PDE3A: variants seen among roughly 807,000 people sequenced by gnomAD.
PDE3A encodes cGMP-inhibited 3',5'-cyclic phosphodiesterase 3A.
PDE3A carries 43 observed loss-of-function variants against 98.3 expected under a neutral mutation model. That is an observed-to-expected ratio of 0.44 (90% CI 0.34 to 0.56). The LOEUF (loss-of-function observed/expected upper bound fraction) is 0.56. Ranked by LOEUF, PDE3A falls within the 20% of genes least tolerant of loss-of-function variation. The probability of loss-of-function intolerance (pLI) is 0.01; values close to 1 mark genes in which losing one functional copy is unlikely to be tolerated. For missense variants in PDE3A, 1,427 were observed against 1,440.7 expected, an observed-to-expected ratio of 0.99 and a Z score of 0.15; for synonymous variants, 663 against 567.9, an observed-to-expected ratio of 1.17 and a Z score of -2.38.
Position 20,369,547 on chromosome 12 carries a change from A to T in PDE3A, c.263A>T (p.Asp88Val). The T allele has an allele frequency of 1.3e-6, 2 of 1,559,058 alleles. No homozygotes were observed. Among genetic ancestry groups the T allele is most frequent in the Non-Finnish European group, 1.7e-6 (2 of 1,152,082 alleles). The change falls in exon 1 of 16, where the codon GAC (aspartate) becomes GTC (valine). Residue 88 changes from aspartate to valine, a missense_variant. Around this residue, in one of 3 missense-constraint regions of PDE3A, gnomAD observed 1,012 missense variants for 886.5 expected, o/e 1.14. Transcript: ENST00000359062. The stretch of plus-strand genomic sequence containing the variant: ...CTGGTCCGCGGGGAGGTCGGCTGTG[A>T]CCTGGAGCAGTGTAAGGAGGCGGCG... ...VRLVRGEVGCDLEQCKEAAAA... is the reference protein window; with the variant it reads ...VRLVRGEVGCVLEQCKEAAAA...
intron 1 of PDE3A, among the ~76,000 whole-genome samples, chr12:20,433,663 A>T (rs1243290076): frequency 6.6e-6 from 1 of 152,164 alleles, no homozygotes; most frequent in Non-Finnish European, 1.5e-5. Flanking sequence ...AGAACAGCAT[A>T]CGTTTTTTAA....
chr12:20,548,624 T>C (rs1942120094), intron 1 of PDE3A, among the ~76,000 whole-genome samples: 1 of 152,174 alleles, frequency 6.6e-6, no homozygotes. Flanking sequence ...CATATCATCT[T>C]AATAAAGTTT....
chr12:20,575,675 T>C (rs1427574439), intron 2 of PDE3A, among the ~76,000 whole-genome samples: 1 of 152,056 alleles, frequency 6.6e-6, no homozygotes, highest in East Asian at 1.9e-4. Flanking sequence ...GAAAAAGAGT[T>C]CTACTTCATT....
chr12:20,563,667 TC>T (rs1277930207), intron 2 of PDE3A, among the ~76,000 whole-genome samples: 1 of 152,184 alleles, frequency 6.6e-6, no homozygotes, highest in Non-Finnish European at 1.5e-5. Flanking sequence ...TTGGGGTTTT[TC>T]GTTTGCTTGT....
At chr12:20,377,628 A>T (rs1314441098) in intron 1 of PDE3A, among the ~76,000 whole-genome samples, 1 of 151,882 alleles carries the variant, frequency 6.6e-6, no homozygotes, top group Non-Finnish European at 1.5e-5. Flanking sequence ...TACAGTCTTT[A>T]AAATTATATG....
rs753128357 is a variant in PDE3A at position 20,369,793 on chromosome 12, G to C, written c.509G>C (p.Gly170Ala). Residue 170 changes from glycine to alanine, a missense_variant, in exon 1 of 16, where the codon GGG becomes GCG. By Grantham distance (60) the Gly-to-Ala change is moderately conservative (BLOSUM62 0). Around this residue, in one of 3 missense-constraint regions of PDE3A, gnomAD observed 1,012 missense variants for 886.5 expected, o/e 1.14. Transcript: ENST00000359062. The stretch of plus-strand genomic sequence containing the variant: ...GCGCTGCTGGCCGCCTGCTGCGGGG[G>C]GGAAGCGCTCGTCCAGATTGGGCTG... ...AVALLAACCG[G>A]EALVQIGLGV... 1 of 1,612,526 alleles carries C rather than the reference G, an allele frequency of 6.2e-7. No homozygotes were observed.
chr12:20,616,226 C>T lies in PDE3A; in HGVS notation c.1270-4C>T, dbSNP rs866949020. 1 of 1,613,346 alleles carries T rather than the reference C, an allele frequency of 6.2e-7. No individual in the cohort carries two copies. Among genetic ancestry groups the T allele is most frequent in the Non-Finnish European group, 8.5e-7 (1 of 1,179,600 alleles). On this transcript the variant is annotated splice_region_variant and splice_polypyrimidine_tract_variant and intron_variant, in intron 3 of 15. Coordinates refer to ENST00000359062, the MANE Select transcript of PDE3A (RefSeq NM_000921.5). ...TGGGTAATGAAGTCAAGTCTCTTTCCTAGCGCCTGAGAAGGAGTTTGCCTC... is the reference window on the plus strand; with the variant it reads ...TGGGTAATGAAGTCAAGTCTCTTTCTTAGCGCCTGAGAAGGAGTTTGCCTC...
intron 1 of PDE3A, among the ~76,000 whole-genome samples, chr12:20,386,120 T>TAAATGTATATAA (rs1943779823): frequency 1.3e-5 from 1 of 76,194 alleles, no homozygotes; most frequent in African/African-American, 6.5e-5. Flanking sequence ...TAAATATATA[T>TAAATGTATATAA]AAATATATAT....
rs1341067058 is a variant in PDE3A at position 20,613,691 on chromosome 12, T to C, written c.1260T>C (p.Ala420=). 1 of 1,613,750 alleles carries C rather than the reference T, an allele frequency of 6.2e-7. No individual in the cohort carries two copies. Among genetic ancestry groups the C allele is most frequent in the Non-Finnish European group, 8.5e-7 (1 of 1,179,612 alleles). The part of the protein sequence containing the change: ...SEESSEKDKL[A]IPKRLRRSLP... The stretch of plus-strand genomic sequence containing the variant: ...AGAGCTCTGAAAAAGACAAGCTTGC[T>C]ATTCCAAAGGTAGGTAGTAATGACA... The change falls in exon 3 of 16, where the codon GCT becomes GCC. Residue 420 remains alanine (A), a synonymous_variant. Transcript: ENST00000359062.
intron 1 of PDE3A, among the ~76,000 whole-genome samples, chr12:20,516,033 A>G (rs981864732): frequency 7.2e-6 from 1 of 138,548 alleles, no homozygotes; most frequent in Non-Finnish European, 1.6e-5. Flanking sequence ...CGCCCGGCCT[A>G]TTTTTTTTTT....
chr12:20,380,050 T>C (rs1943636654), intron 1 of PDE3A, among the ~76,000 whole-genome samples: 1 of 151,974 alleles, frequency 6.6e-6, no homozygotes, highest in East Asian at 1.9e-4. Flanking sequence ...GAGAACAAAC[T>C]CTGACTTTAT....
At chr12:20,477,622 T>C (rs1945553214) in intron 1 of PDE3A, among the ~76,000 whole-genome samples, 1 of 152,188 alleles carries the variant, frequency 6.6e-6, no homozygotes, top group South Asian at 2.1e-4. Flanking sequence ...TCTTTTCCCT[T>C]GAACATAAAA....
chr12:20,410,276 A>G (rs1944309880), intron 1 of PDE3A, among the ~76,000 whole-genome samples: 1 of 152,166 alleles, frequency 6.6e-6, no homozygotes, highest in African/African-American at 2.4e-5. Flanking sequence ...ACTCAATTGT[A>G]CGTCCCCAAG....
intron 1 of PDE3A, among the ~76,000 whole-genome samples, chr12:20,510,911 C>T (rs1452819058): frequency 3.3e-5 from 5 of 151,958 alleles, no homozygotes; most frequent in African/African-American, 1.2e-4. Flanking sequence ...TGAATGTTTC[C>T]ATGTGCCATG....
intron 4 of PDE3A, among the ~76,000 whole-genome samples, chr12:20,620,186 T>G (rs997067458): frequency 6.6e-6 from 1 of 152,050 alleles, no homozygotes; most frequent in Non-Finnish European, 1.5e-5. Flanking sequence ...GCAATCTCCA[T>G]GCATCCATGA....
chr12:20,607,084 C>A (rs1432992146), intron 2 of PDE3A, among the ~76,000 whole-genome samples: 7 of 151,868 alleles, frequency 4.6e-5, no homozygotes, highest in Non-Finnish European at 8.8e-5. Context: ...TTAGGTAGGA[C>A]ATCCTGGAAA....
In PDE3A at chr12:20,552,532, G is replaced by C; in HGVS notation, c.961-4128G>C. 2 of 1,613,324 alleles carry C rather than the reference G, an allele frequency of 1.2e-6. No homozygotes were observed. Among genetic ancestry groups the C allele is most frequent in the Non-Finnish European group, 1.7e-6 (2 of 1,179,640 alleles). ...GAGGGAGGAGGAGGAGCAGCAGGAG[G>C]GGGGCTTCGCGTCCCCCAGGACGGG... is the stretch of plus-strand genomic sequence containing the variant. On this transcript the variant is annotated intron_variant, in intron 1 of 15. Coordinates refer to ENST00000359062, the MANE Select transcript of PDE3A (RefSeq NM_000921.5). The surrounding 1 kb of genome is among the most constrained non-coding windows in gnomAD (Gnocchi z 5.1).
At chr12:20,425,787 G>A (rs1322375521) in intron 1 of PDE3A, among the ~76,000 whole-genome samples, 1 of 152,118 alleles carries the variant, frequency 6.6e-6, no homozygotes, top group African/African-American at 2.4e-5. Flanking sequence ...ATTTCACCAA[G>A]CATTTGTAGA....
In PDE3A at chr12:20,369,970, TAG is replaced by T. The variant is rs769128121; in HGVS notation, c.691_692del (p.Arg231ValfsTer56). ...GTCAGGACCGTGTCCCTCATTTCCT[TAG>T]AGAGGTTCAAGGTCGCCTGGAGACC... On this transcript the variant is annotated frameshift_variant, in exon 1 of 16. Transcript: ENST00000359062. LOFTEE classifies it high-confidence loss of function. The T allele has an allele frequency of 6.2e-7, 1 of 1,613,140 alleles. No individual in the cohort carries two copies. Among genetic ancestry groups the T allele is most frequent in the Non-Finnish European group, 8.5e-7 (1 of 1,179,968 alleles).
Sources: gnomAD v4.1 joint callset for allele counts (sites outside exome capture counted in the v4.1 genomes callset) on GRCh38, gnomAD v4.1.1 for gene constraint, gnomAD v4.1.1 regional missense constraint, Gnocchi (gnomAD v3.1) non-coding constraint, MANE v1.5 for transcripts, NCBI Gene and HGNC (gene_info 2026-07-23, HGNC 2026-07-21) for gene names.